CYSTM1: variants seen among roughly 807,000 people sequenced by gnomAD.
CYSTM1 encodes the protein cysteine rich transmembrane module containing 1.
Under a neutral mutation model 13.1 loss-of-function variants are expected in CYSTM1, and 4 were observed. That is an observed-to-expected ratio of 0.31 (90% CI 0.15 to 0.70). The LOEUF is 0.70. Ranked by LOEUF, CYSTM1 falls within the 30% of genes least tolerant of loss-of-function variation. CYSTM1 has a pLI of 0.72. For synonymous variants in CYSTM1, 36 were observed against 42.7 expected (o/e 0.84, Z 0.62); for missense variants, 96 against 121.6 (o/e 0.79, Z 0.99).
chr5:140,229,657 C>CGTTG (rs1764597787), intron 2 of CYSTM1, among the ~76,000 whole-genome samples: 1 of 151,496 alleles, frequency 6.6e-6, no homozygotes, highest in Admixed American at 6.6e-5. Context: ...AAGATATAGT[C>CGTTG]GTTAGTCCAC....
In CYSTM1 at chr5:140,184,928, A is replaced by C. The variant is rs575065607; in HGVS notation, c.-20-9518A>C. ...AATAATTCTGAACTATGGATAATTA[A>C]TGTAGGTATGGTATGACTTTTCAGA... On this transcript the variant is annotated intron_variant, in intron 1 of 2. Transcript: ENST00000261811. 2.0e-4 allele frequency among the ~76,000 whole-genome samples: 31 copies of C among 152,332 alleles called. No individual in the cohort carries two copies. The South Asian group carries it at 5.4e-3, about 26-fold the overall frequency.
At chr5:140,223,605 G>C (rs1031184934) in intron 2 of CYSTM1, among the ~76,000 whole-genome samples, 3 of 152,230 alleles carry the variant, frequency 2.0e-5, no homozygotes, top group African/African-American at 7.2e-5. Flanking sequence ...GGAGGACAAA[G>C]GCGGGAGTTT....
rs61099181 is a variant in CYSTM1, at chr5:140,226,613, A to ATATATATATAT, written c.188-16692_188-16691insTATATATATAT. ...ATATATATATATATATATATATATAAAAATTAGCCAGATGTGATGGCGCAT... is the reference window on the plus strand; with the variant it reads ...ATATATATATATATATATATATATAATATATATATATAAATTAGCCAGATGTGATGGCGCAT... On this transcript the variant is annotated intron_variant, in intron 2 of 2. Coordinates refer to ENST00000261811, the MANE Select transcript of CYSTM1 (RefSeq NM_032412.4). Among the ~76,000 whole-genome samples, 812 of 84,954 alleles carry ATATATATATAT rather than the reference A, an allele frequency of 9.6e-3. 16 individuals carry two copies. The highest frequency in any genetic ancestry group is 0.015 in the South Asian group (33 of 2,134). 55.7% of individuals were successfully genotyped at this position (84,954 alleles called of 152,430 possible). A position where few individuals can be genotyped will look rare whatever the true frequency, so the allele number is the denominator to read the frequency against.
intron 2 of CYSTM1, among the ~76,000 whole-genome samples, chr5:140,222,257 T>G (rs1472930364): frequency 6.6e-6 from 1 of 152,266 alleles, no homozygotes; most frequent in Non-Finnish European, 1.5e-5. Context: ...AATCTGCTTT[T>G]GTTTCATCCA....
rs182072499 is a variant in CYSTM1 at position 140,213,381 on chromosome 5, A to T, written c.187+18729A>T. Among the ~76,000 whole-genome samples the T allele has an allele frequency of 1.8e-3, 280 of 152,330 alleles. 2 individuals carry two copies. Among genetic ancestry groups the T allele is most frequent in the African/African-American group, 6.1e-3 (253 of 41,588 alleles). ...TTTATGTTTTAAGCAAAGTGTTGGT[A>T]AAGAGTCAAAAAGTTTAAAATTTTT... On this transcript the variant is annotated intron_variant, in intron 2 of 2. Coordinates refer to ENST00000261811, the MANE Select transcript of CYSTM1 (RefSeq NM_032412.4).
chr5:140,202,167 C>T (rs977106848), intron 2 of CYSTM1: 1 of 152,102 alleles, frequency 6.6e-6, no homozygotes, highest in Non-Finnish European at 1.5e-5. Context: ...AACTCCTGAC[C>T]TCAGGTGATT....
At chr5:140,209,649 C>T (rs905658109) in intron 2 of CYSTM1, among the ~76,000 whole-genome samples, 1 of 152,096 alleles carries the variant, frequency 6.6e-6, no homozygotes, top group Non-Finnish European at 1.5e-5. Flanking sequence ...AGACTGGTCT[C>T]GAACTCCTGA....
chr5:140,188,348 A>G (rs1359021652), intron 1 of CYSTM1, among the ~76,000 whole-genome samples: 5 of 152,126 alleles, frequency 3.3e-5, no homozygotes, highest in African/African-American at 1.2e-4. Context: ...TCAGCCTCCC[A>G]AGTCACTGAC....
intron 1 of CYSTM1, among the ~76,000 whole-genome samples, chr5:140,191,183 A>G (rs1764090229): frequency 6.6e-6 from 1 of 151,974 alleles, no homozygotes; most frequent in Non-Finnish European, 1.5e-5. Flanking sequence ...TCTCACTGGG[A>G]TTTTTTTCTT....
intron 2 of CYSTM1, among the ~76,000 whole-genome samples, chr5:140,208,572 TAA>T (rs551174162): frequency 2.4e-3 from 367 of 152,214 alleles, no homozygotes; most frequent in Middle Eastern, 0.017. Flanking sequence ...TAAAAATAAC[TAA>T]AAGAGTATAA....
At chr5:140,179,646 A>G (rs1178670044) in intron 1 of CYSTM1, among the ~76,000 whole-genome samples, 2 of 137,750 alleles carry the variant, frequency 1.5e-5, no homozygotes, top group African/African-American at 5.6e-5. Context: ...CAGATTGTTC[A>G]CTCTCTTTTT....
In CYSTM1 at chr5:140,241,459, G is replaced by A. The variant is rs549223625; in HGVS notation, c.188-1846G>A. ...TAAATGGTAACTTAAGAGAGCCTGT[G>A]AGGCCCCTCCCACTGCAGCCAGCCT... is the stretch of plus-strand genomic sequence containing the variant. On this transcript the variant is annotated intron_variant, in intron 2 of 2. Transcript: ENST00000261811. Among the ~76,000 whole-genome samples the A allele has an allele frequency of 1.1e-4, 17 of 152,348 alleles. No homozygotes were observed. In the East Asian group the frequency reaches 3.1e-3, roughly 28 times the overall value.
At chr5:140,225,227 A>G (rs902173319) in intron 2 of CYSTM1, among the ~76,000 whole-genome samples, 1 of 152,254 alleles carries the variant, frequency 6.6e-6, no homozygotes, top group Non-Finnish European at 1.5e-5. Context: ...GCCATGCAAC[A>G]AACTGTTTTC....
intron 1 of CYSTM1, among the ~76,000 whole-genome samples, chr5:140,191,458 C>T (rs1047565107): frequency 6.6e-6 from 1 of 152,028 alleles, no homozygotes; most frequent in Non-Finnish European, 1.5e-5. Flanking sequence ...GTGGGGAGGA[C>T]GCATACACTT....
At chr5:140,206,676 G>C (rs1044928676) in intron 2 of CYSTM1, among the ~76,000 whole-genome samples, 14 of 152,158 alleles carry the variant, frequency 9.2e-5, no homozygotes, top group African/African-American at 2.7e-4. Context: ...TGTCACCCAG[G>C]CTGGAGTATA....
At chr5:140,234,479 T>C (rs1338259763) in intron 2 of CYSTM1, among the ~76,000 whole-genome samples, 1 of 152,248 alleles carries the variant, frequency 6.6e-6, no homozygotes, top group Non-Finnish European at 1.5e-5. Flanking sequence ...ATTAAATCTA[T>C]AGATCATCAT....
At chr5:140,192,397 T>C (rs535405619) in intron 1 of CYSTM1, among the ~76,000 whole-genome samples, 4 of 152,314 alleles carry the variant, frequency 2.6e-5, no homozygotes, top group African/African-American at 9.6e-5. Context: ...CCAGAAGGGT[T>C]CATTACCTTA....
chr5:140,242,070 G>T (rs753391653), intron 2 of CYSTM1, among the ~76,000 whole-genome samples: 6 of 152,160 alleles, frequency 3.9e-5, no homozygotes, highest in Non-Finnish European at 8.8e-5. Flanking sequence ...ACGAAATCAG[G>T]TACTTGACCT....
At chr5:140,179,651 C>CT (rs1359776307) in intron 1 of CYSTM1, among the ~76,000 whole-genome samples, 2 of 96,174 alleles carry the variant, frequency 2.1e-5, no homozygotes, top group South Asian at 2.8e-4. Flanking sequence ...TGTTCACTCT[C>CT]TTTTTTTTCT....
Sources: allele counts gnomAD v4.1 joint callset (sites outside exome capture counted in the v4.1 genomes callset), GRCh38; gene constraint gnomAD v4.1.1; transcripts MANE v1.5; gene names NCBI Gene and HGNC (gene_info 2026-07-23, HGNC 2026-07-21).